Variants in TTC39B observed in about 807,000 individuals in gnomAD.
The protein encoded by TTC39B is tetratricopeptide repeat protein 39B.
TTC39B carries 92 observed loss-of-function variants against 96.6 expected under a neutral mutation model. That is an observed-to-expected ratio of 0.95 (90% CI 0.80 to 1.13). TTC39B has a LOEUF of 1.13. Ranked by LOEUF, TTC39B falls within the 50% of genes most tolerant of loss-of-function variation. TTC39B has a pLI of 0.00. For synonymous variants in TTC39B, 367 were observed against 299.4 expected (o/e 1.23, Z -2.33); for missense variants, 955 against 809.3 (o/e 1.18, Z -2.18).
At chr9:15,202,726 C>T (rs1212277975) in intron 7 of TTC39B, among the ~76,000 whole-genome samples, 1 of 150,274 alleles carries the variant, frequency 6.7e-6, no homozygotes, top group Non-Finnish European at 1.5e-5. Flanking sequence ...GCCACCCCTC[C>T]CCCACCAAAA....
intron 14 of TTC39B, among the ~76,000 whole-genome samples, chr9:15,187,265 G>T (rs1192886066): frequency 6.6e-6 from 1 of 152,172 alleles, no homozygotes; most frequent in East Asian, 1.9e-4. Flanking sequence ...AGGTGAGAAA[G>T]TGGACAGAAT....
intron 19 of TTC39B, among the ~76,000 whole-genome samples, chr9:15,174,271 T>C (rs1817811528): frequency 6.6e-6 from 1 of 151,786 alleles, no homozygotes; most frequent in Admixed American, 6.6e-5. Flanking sequence ...TAGTAGTGTC[T>C]GACACATAAT....
chr9:15,230,772 G>GTCA (rs1366231264), intron 2 of TTC39B, among the ~76,000 whole-genome samples: 1 of 152,142 alleles, frequency 6.6e-6, no homozygotes, highest in African/African-American at 2.4e-5. Flanking sequence ...ATCACTTGAG[G>GTCA]TCAGGAGTTC....
intron 1 of TTC39B, among the ~76,000 whole-genome samples, chr9:15,295,758 T>A (rs1824350937): frequency 6.6e-6 from 1 of 152,154 alleles, no homozygotes; most frequent in South Asian, 2.1e-4. Context: ...AATCACATGT[T>A]CAAAGTCAGA....
At chr9:15,230,453 G>A (rs771867554) in intron 2 of TTC39B, among the ~76,000 whole-genome samples, 1 of 152,000 alleles carries the variant, frequency 6.6e-6, no homozygotes, top group East Asian at 1.9e-4. Flanking sequence ...TGCCTATTCT[G>A]GACATTTCAT....
intron 15 of TTC39B, 152 bp from the exon 16 acceptor site, chr9:15,185,558 C>T (rs1818477498): frequency 8.4e-7 from 1 of 1,194,506 alleles, no homozygotes; most frequent in Non-Finnish European, 1.2e-6. Flanking sequence ...TCAGGCCCTA[C>T]TCTAGACCTA....
At chr9:15,232,156 C>T (rs1476069137) in intron 2 of TTC39B, 6 of 152,672 alleles carry the variant, frequency 3.9e-5, no homozygotes, top group Admixed American at 3.3e-4. Context: ...GGTCTCATCA[C>T]AGTAAATAAA....
exon 1 of TTC39B, chr9:15,307,136 T>G: frequency 6.2e-7 from 1 of 1,608,664 alleles, no homozygotes; most frequent in Non-Finnish European, 8.5e-7. Context: ...ATTCCTCCTC[T>G]GGCTGCTGCC....
chr9:15,287,966 AAAAC>A (rs1367066054), intron 1 of TTC39B, among the ~76,000 whole-genome samples: 142 of 122,710 alleles, frequency 1.2e-3, no homozygotes, highest in African/African-American at 5.1e-3. Context: ...AAAAAAAAAA[AAAAC>A]ATAAAAAAAT....
intron 1 of TTC39B, among the ~76,000 whole-genome samples, chr9:15,298,615 T>A (rs2131616089): frequency 6.6e-6 from 1 of 152,206 alleles, no homozygotes; most frequent in African/African-American, 2.4e-5. Context: ...CCCCCATGAT[T>A]CAATTACCTC....
In TTC39B at chr9:15,190,613, C is replaced by A. The variant is rs953191930; in HGVS notation, c.1046G>T (p.Arg349Met). 9.9e-6 allele frequency: 16 copies of A among 1,614,078 alleles called. No homozygotes were observed. Among genetic ancestry groups the A allele is most frequent in the Admixed American group, 8.3e-5 (5 of 60,010 alleles). Reference sequence around the variant, plus strand: ...GATGGTTAAGCAGCACAGTGCAGACCTCATGCTCCTTCCTGAAGCACCTTC... The same window carrying A: ...GATGGTTAAGCAGCACAGTGCAGACATCATGCTCCTTCCTGAAGCACCTTC... The change falls in exon 11 of 20, where the codon AGG (arginine) becomes ATG (methionine). Residue 349 changes from arginine to methionine, a missense_variant. Physicochemically the swap from Arg to Met is moderately conservative, Grantham distance 91. Transcript: ENST00000512701.
intron 13 of TTC39B, 95 bp downstream of exon 13, chr9:15,189,479 C>A: frequency 7.4e-7 from 1 of 1,355,706 alleles, no homozygotes; most frequent in East Asian, 2.4e-5. Context: ...TCCATATAGC[C>A]AAGTTTACTT....
chr9:15,270,781 G>A (rs75322328), intron 1 of TTC39B, among the ~76,000 whole-genome samples: 2,387 of 151,326 alleles, frequency 0.016, 60 homozygotes, highest in African/African-American at 0.054. Flanking sequence ...CAAGAATATC[G>A]AAACTCTCCA....
Position 15,268,580 on chromosome 9 carries a change from C to A in TTC39B, c.241-632G>T, listed in dbSNP as rs186537683. Among the ~76,000 whole-genome samples, 9 of 152,240 alleles carry A rather than the reference C, an allele frequency of 5.9e-5. No individual in the cohort carries two copies. The South Asian group carries it at 1.2e-3, about 21-fold the overall frequency. On this transcript the variant is annotated intron_variant, in intron 1 of 19. Transcript: ENST00000512701. ...ACAGTCACACATACAAATACACATG[C>A]ACTCACTCAAAAACTCACACATTCA...
chr9:15,185,429 C>G (rs762152316), intron 15 of TTC39B, 23 bp from the exon 16 acceptor site: 1 of 1,612,436 alleles, frequency 6.2e-7, no homozygotes, highest in Non-Finnish European at 8.5e-7. Flanking sequence ...CCAGCCCAGC[C>G]CCAGAGAAAG....
At chr9:15,286,823 C>T (rs923772799) in intron 1 of TTC39B, among the ~76,000 whole-genome samples, 1 of 152,178 alleles carries the variant, frequency 6.6e-6, no homozygotes, top group African/African-American at 2.4e-5. Context: ...CATATGCACT[C>T]AAGGATTCCT....
intron 1 of TTC39B, among the ~76,000 whole-genome samples, chr9:15,268,805 T>C (rs1327381283): frequency 2.6e-5 from 4 of 152,200 alleles, no homozygotes; most frequent in Non-Finnish European, 5.9e-5. Flanking sequence ...CATTCAATTC[T>C]TCACATGACA....
chr9:15,231,884 C>A (rs576269327), intron 2 of TTC39B, among the ~76,000 whole-genome samples: 2 of 150,782 alleles, frequency 1.3e-5, no homozygotes, highest in African/African-American at 4.9e-5. Flanking sequence ...CTCTGGAAGC[C>A]ACCATGTTTG....
rs141598127 is a variant in TTC39B, at chr9:15,207,726, C to T, written c.691+2362G>A. ...ATCAGCTGGGCACGGTGGCTCACACCTGTAATCCCAGTACTTCGGGAGGCT... is the reference window on the plus strand; with the variant it reads ...ATCAGCTGGGCACGGTGGCTCACACTTGTAATCCCAGTACTTCGGGAGGCT... On this transcript the variant is annotated intron_variant, in intron 6 of 19. Transcript: ENST00000512701. Among the ~76,000 whole-genome samples the T allele has an allele frequency of 6.6e-4, 100 of 152,108 alleles. 2 individuals are homozygous for T. The highest frequency in any genetic ancestry group is 2.3e-3 in the African/African-American group (97 of 41,504).
Sources: allele counts gnomAD v4.1 joint callset (sites outside exome capture counted in the v4.1 genomes callset), GRCh38; gene constraint gnomAD v4.1.1; transcripts MANE v1.5; gene names NCBI Gene and HGNC (gene_info 2026-07-23, HGNC 2026-07-21).